MAP7: variants seen among roughly 807,000 people sequenced by gnomAD.
MAP7 encodes ensconsin.
MAP7 carries 52 observed loss-of-function variants against 94.8 expected under a neutral mutation model. That is an observed-to-expected ratio of 0.55 (90% CI 0.44 to 0.69). MAP7 has a LOEUF of 0.69. Ranked by LOEUF, MAP7 falls within the 30% of genes least tolerant of loss-of-function variation. The pLI is 0.00. For synonymous variants in MAP7, 350 were observed against 357.0 expected, an observed-to-expected ratio of 0.98 and a Z score of 0.22; for missense variants, 940 against 964.6, an observed-to-expected ratio of 0.97 and a Z score of 0.34.
chr6:136,462,265 G>C (rs949120231), intron 1 of MAP7, among the ~76,000 whole-genome samples: 1 of 151,776 alleles, frequency 6.6e-6, no homozygotes, highest in African/African-American at 2.4e-5. Flanking sequence ...TCAGTGAAAC[G>C]CTATGAGAAA....
intron 1 of MAP7, among the ~76,000 whole-genome samples, chr6:136,469,599 C>T (rs1808302851): frequency 6.6e-6 from 1 of 152,070 alleles, no homozygotes; most frequent in African/African-American, 2.4e-5. Context: ...GTTGCCCAGG[C>T]TGGTCTTGAA....
chr6:136,435,712 T>C (rs1162614786), intron 1 of MAP7, among the ~76,000 whole-genome samples: 4 of 152,122 alleles, frequency 2.6e-5, no homozygotes, highest in African/African-American at 9.7e-5. Flanking sequence ...CTGAGTTTGG[T>C]TTCCAAGTAG....
At chr6:136,497,149 G>A (rs756091937) in intron 1 of MAP7, among the ~76,000 whole-genome samples, 1 of 151,984 alleles carries the variant, frequency 6.6e-6, no homozygotes, top group Admixed American at 6.6e-5. Flanking sequence ...AGTGATGGCT[G>A]TCAGAACCTT....
intron 1 of MAP7, among the ~76,000 whole-genome samples, chr6:136,542,078 A>G (rs1290934773): frequency 6.6e-6 from 1 of 152,218 alleles, no homozygotes; most frequent in Admixed American, 6.5e-5. Context: ...ATTTAAAAAA[A>G]ATTTCAAAGT....
At chr6:136,423,825 C>T (rs537023901) in intron 1 of MAP7, among the ~76,000 whole-genome samples, 8 of 133,756 alleles carry the variant, frequency 6.0e-5, no homozygotes, top group Non-Finnish European at 1.1e-4. Context: ...GAGACAGTTT[C>T]GCTCTTGTTG....
At chr6:136,504,765 C>T (rs1820875088) in intron 1 of MAP7, among the ~76,000 whole-genome samples, 1 of 152,252 alleles carries the variant, frequency 6.6e-6, no homozygotes, top group African/African-American at 2.4e-5. Flanking sequence ...AATGCAACCT[C>T]TGCCTCCCAG....
chr6:136,372,796 C>T, intron 7 of MAP7, 171 bp from the exon 8 acceptor site: 1 of 711,922 alleles, frequency 1.4e-6, no homozygotes, highest in Non-Finnish European at 2.3e-6. Flanking sequence ...CCAGAACCAT[C>T]ATACTCAACT....
rs1314240230 is a variant in MAP7 at position 136,365,778 on chromosome 6, G to A, written c.1230C>T (p.Ala410=). Residue 410 remains alanine (A), a synonymous_variant, in exon 10 of 18, where the codon GCC becomes GCT. Coordinates refer to ENST00000354570, the MANE Select transcript of MAP7 (RefSeq NM_003980.6). ...GRAPLVKVEE[A]TVEERTPAEP... ...CAGCAGGTGTCCGCTCTTCAACTGT[G>A]GCTTCTTCTACCTTCACTAAAGGTG... is the stretch of plus-strand genomic sequence containing the variant. 2.5e-6 allele frequency: 4 copies of A among 1,614,032 alleles called. No homozygotes were observed. Among genetic ancestry groups the A allele is most frequent in the Non-Finnish European group, 3.4e-6 (4 of 1,180,018 alleles).
At position 136,405,812 on chromosome 6, in the gene MAP7, G is replaced by A. The variant is rs76268599; in HGVS notation, c.244+5808C>T. ...GTTGTGAGAAGTAGTTACTTTCTGG[G>A]TATGTTTTGAGGGTACAGCAAAGAG... is the stretch of plus-strand genomic sequence containing the variant. On this transcript the variant is annotated intron_variant, in intron 3 of 17. Transcript: ENST00000354570. Among the ~76,000 whole-genome samples, 1,018 of 152,310 alleles carry A rather than the reference G, an allele frequency of 6.7e-3. 12 individuals carry two copies. Among genetic ancestry groups the A allele is most frequent in the African/African-American group, 0.023 (975 of 41,568 alleles).
chr6:136,435,332 T>C (rs2128820825), intron 1 of MAP7, among the ~76,000 whole-genome samples: 1 of 152,236 alleles, frequency 6.6e-6, no homozygotes, highest in East Asian at 1.9e-4. Context: ...TATCTCCCCA[T>C]TCTCTTCTTT....
chr6:136,537,701 A>C (rs1486613771), intron 1 of MAP7, among the ~76,000 whole-genome samples: 1 of 152,250 alleles, frequency 6.6e-6, no homozygotes, highest in Admixed American at 6.5e-5. Flanking sequence ...CTGTATACAA[A>C]AAGACAATTT....
chr6:136,372,110 T>C (rs1368552145), intron 8 of MAP7, among the ~76,000 whole-genome samples: 1 of 152,236 alleles, frequency 6.6e-6, no homozygotes, highest in Non-Finnish European at 1.5e-5. Context: ...CTGGATATGG[T>C]TGAAATAAAA....
chr6:136,481,218 A>G (rs1045257763), intron 1 of MAP7, among the ~76,000 whole-genome samples: 1 of 152,196 alleles, frequency 6.6e-6, no homozygotes, highest in Non-Finnish European at 1.5e-5. Context: ...TGAAGGTTCT[A>G]TAAAATCCTG....
intron 3 of MAP7, among the ~76,000 whole-genome samples, chr6:136,398,450 T>C (rs1362669273): frequency 6.6e-6 from 1 of 152,168 alleles, no homozygotes; most frequent in Non-Finnish European, 1.5e-5. Context: ...CCACGTAGAG[T>C]GATATGGTTT....
intron 1 of MAP7, among the ~76,000 whole-genome samples, chr6:136,485,688 A>G (rs1032291637): frequency 2.8e-5 from 4 of 145,108 alleles, no homozygotes; most frequent in East Asian, 2.1e-4. Flanking sequence ...TCAGCCTCCC[A>G]AGTAGCTGGG....
intron 1 of MAP7, among the ~76,000 whole-genome samples, chr6:136,473,918 A>T (rs1352083463): frequency 6.6e-6 from 1 of 152,122 alleles, no homozygotes; most frequent in Non-Finnish European, 1.5e-5. Context: ...GAAGACAGAT[A>T]ATATATGAGA....
At chr6:136,504,791 G>T (rs1820884718) in intron 1 of MAP7, among the ~76,000 whole-genome samples, 1 of 152,068 alleles carries the variant, frequency 6.6e-6, no homozygotes, top group Non-Finnish European at 1.5e-5. Flanking sequence ...AGCGATTCTT[G>T]TGCCCAGCCT....
At chr6:136,494,733 G>GA (rs1397404894) in intron 1 of MAP7, among the ~76,000 whole-genome samples, 2 of 152,026 alleles carry the variant, frequency 1.3e-5, no homozygotes, top group Non-Finnish European at 2.9e-5. Context: ...AGACAAACTA[G>GA]AAAAAAACTA....
chr6:136,503,419 G>T (rs1193300074), intron 1 of MAP7, among the ~76,000 whole-genome samples: 1 of 151,150 alleles, frequency 6.6e-6, no homozygotes, highest in Non-Finnish European at 1.5e-5. Flanking sequence ...AGGGGGGTGG[G>T]GGAAGAAGAA....
Sources: allele counts gnomAD v4.1 joint callset (sites outside exome capture counted in the v4.1 genomes callset), GRCh38; gene constraint gnomAD v4.1.1; transcripts MANE v1.5; gene names NCBI Gene and HGNC (gene_info 2026-07-23, HGNC 2026-07-21).